Variants in TTC9 observed in about 807,000 individuals in gnomAD.
The protein encoded by TTC9 is tetratricopeptide repeat domain 9.
In TTC9, 13 loss-of-function variants were observed where a neutral mutation model predicts 22.9. The ratio of observed to expected loss-of-function variants is 0.57; its 90% confidence interval spans 0.37 to 0.90. TTC9 has a LOEUF of 0.90. TTC9 is among the 40% of genes least tolerant of loss of function. The pLI, the probability that TTC9 is intolerant of heterozygous loss-of-function variation, is 0.01. For synonymous variants in TTC9, 148 were observed against 133.2 expected, an observed-to-expected ratio of 1.11 and a Z score of -0.77; for missense variants, 280 against 291.8, an observed-to-expected ratio of 0.96 and a Z score of 0.29.
At chr14:70,669,315 T>C (rs886382337) in intron 2 of TTC9, among the ~76,000 whole-genome samples, 2 of 151,936 alleles carry the variant, frequency 1.3e-5, no homozygotes, top group Non-Finnish European at 2.9e-5. Flanking sequence ...AGTCTCGCTC[T>C]GTCGCCCAGG....
At chr14:70,666,529 A>G (rs918563689) in intron 1 of TTC9, among the ~76,000 whole-genome samples, 9 of 152,134 alleles carry the variant, frequency 5.9e-5, no homozygotes, top group Non-Finnish European at 1.0e-4. Context: ...GTTAACTAAC[A>G]TTTTTTTCAT....
At chr14:70,669,437 G>A (rs1886261227) in intron 2 of TTC9, among the ~76,000 whole-genome samples, 1 of 151,860 alleles carries the variant, frequency 6.6e-6, no homozygotes, top group Non-Finnish European at 1.5e-5. Flanking sequence ...GCACTACCAT[G>A]CCTGGCTAAT....
rs1174323344 is a variant in TTC9 at position 70,674,759 on chromosome 14, G to A, written c.*3604G>A. 1 of 152,058 alleles carries A rather than the reference G, an allele frequency of 6.6e-6. No individual in the cohort carries two copies. Among genetic ancestry groups the A allele is most frequent in the Non-Finnish European group, 1.5e-5 (1 of 68,010 alleles). 9.4% of individuals were successfully genotyped at this position (152,058 alleles called of 1,614,324 possible). On this transcript the variant is annotated 3_prime_UTR_variant, in exon 3 of 3. Transcript: ENST00000256367. ...CTTAATAATATCACGAACATTTTCG[G>A]CATATCAAACTTTCTCAACAGCATC...
intron 2 of TTC9, among the ~76,000 whole-genome samples, chr14:70,668,428 C>T (rs61178061): frequency 1.3e-5 from 2 of 152,252 alleles, no homozygotes; most frequent in East Asian, 1.9e-4. Flanking sequence ...GGACAGAACC[C>T]AGGGAGGGGC....
At chr14:70,662,527 C>G (rs1051304608) in intron 1 of TTC9, among the ~76,000 whole-genome samples, 2 of 151,986 alleles carry the variant, frequency 1.3e-5, no homozygotes, top group Non-Finnish European at 2.9e-5. Context: ...AGATACCTGA[C>G]CTTGATTAAT....
Position 70,675,014 on chromosome 14 carries a change from C to A in TTC9, c.*3859C>A, listed in dbSNP as rs547562044. On this transcript the variant is annotated 3_prime_UTR_variant, in exon 3 of 3. Transcript: ENST00000256367. ...ACCCTCCAGAAAGTTTGTACCAAAA[C>A]GCTCTCCTATTTGGATCCTAGAGAG... 6.6e-6 allele frequency: 1 copy of A among 152,180 alleles called. No individual in the cohort carries two copies. Among genetic ancestry groups the A allele is most frequent in the Non-Finnish European group, 1.5e-5 (1 of 68,034 alleles). The allele number at this position is 152,180 out of a possible 1,614,324, so 9.4% of individuals were successfully genotyped here. A position where few individuals can be genotyped will look rare whatever the true frequency, so the allele number is the denominator to read the frequency against.
Position 70,649,780 on chromosome 14 carries a change from T to C in TTC9, c.406+7245T>C, listed in dbSNP as rs1739248724. Among the ~76,000 whole-genome samples the C allele has an allele frequency of 7.9e-5, 12 of 152,234 alleles. 1 individual carries two copies. The highest frequency in any genetic ancestry group is 7.9e-4 in the Admixed American group (12 of 15,286). ...AACTCTCTTGCCCATCTTCCAGTCT[T>C]TCCTTCTGGCAGTTAGACATCCTTT... On this transcript the variant is annotated intron_variant, in intron 1 of 2. Transcript: ENST00000256367.
Position 70,642,437 on chromosome 14 carries a change from C to A in TTC9, c.308C>A (p.Pro103Gln). ...PPGERERDSR[P>Q]ASPAGALKPG... ...GGGGAACGGGAGCGGGACTCGCGCC[C>A]GGCCTCCCCGGCTGGGGCCCTGAAG... The change falls in exon 1 of 3, where the codon CCG becomes CAG. Residue 103 changes from proline to glutamine, a missense_variant. Physicochemically the swap from Pro to Gln is moderately conservative, Grantham distance 76. Coordinates refer to ENST00000256367, the MANE Select transcript of TTC9 (RefSeq NM_015351.2). 1 of 1,563,082 alleles carries A rather than the reference C, an allele frequency of 6.4e-7. No individual in the cohort carries two copies. Among genetic ancestry groups the A allele is most frequent in the Non-Finnish European group, 8.7e-7 (1 of 1,155,740 alleles).
In TTC9 at chr14:70,642,274, G is replaced by A. The variant is rs1161321115; in HGVS notation, c.145G>A (p.Glu49Lys). 6.7e-7 allele frequency: 1 copy of A among 1,502,778 alleles called. No individual in the cohort carries two copies. The highest frequency in any genetic ancestry group is 8.9e-7 in the Non-Finnish European group (1 of 1,127,014). 93.1% of individuals were successfully genotyped at this position (1,502,778 alleles called of 1,614,324 possible). ...GAGGGGCCAGGTCGGGGCGGCGGCC[G>A]AGCCGGCCGAGCTCATCCGACGAGC... ...PARGQVGAAA[E>K]PAELIRRAHE... Residue 49 changes from glutamate (E) to lysine (K), a missense_variant, in exon 1 of 3, where the codon GAG becomes AAG. Glu to Lys is a moderately conservative substitution (Grantham distance 56, BLOSUM62 1). Around this residue, in one of 5 missense-constraint regions of TTC9, gnomAD observed 165 missense variants for 145.4 expected, o/e 1.14. Transcript: ENST00000256367.
chr14:70,670,229 T>C (rs79608012), intron 2 of TTC9, among the ~76,000 whole-genome samples: 16,839 of 152,318 alleles, frequency 0.11, 1,293 homozygotes, highest in Middle Eastern at 0.18. Context: ...CCTTGGCATC[T>C]GACTCAATCT....
chr14:70,651,085 A>T (rs1885978483), intron 1 of TTC9, among the ~76,000 whole-genome samples: 1 of 151,990 alleles, frequency 6.6e-6, no homozygotes, highest in Admixed American at 6.5e-5. Flanking sequence ...GATTCAAGCG[A>T]TTCTCCTGCC....
intron 1 of TTC9, among the ~76,000 whole-genome samples, chr14:70,655,874 G>C (rs771254740): frequency 4.6e-5 from 7 of 152,110 alleles, no homozygotes; most frequent in Non-Finnish European, 8.8e-5. Flanking sequence ...AGACCACCAG[G>C]AATTTCAAAT....
chr14:70,661,787 G>A (rs1045917458), intron 1 of TTC9, among the ~76,000 whole-genome samples: 3 of 152,114 alleles, frequency 2.0e-5, no homozygotes, highest in Admixed American at 6.5e-5. Flanking sequence ...TGCTAAACAC[G>A]ACCCCTCTGT....
chr14:70,653,084 T>A (rs1886009371), intron 1 of TTC9, among the ~76,000 whole-genome samples: 1 of 152,258 alleles, frequency 6.6e-6, no homozygotes, highest in African/African-American at 2.4e-5. Flanking sequence ...CATGACAGCA[T>A]GTGAGTAATA....
intron 1 of TTC9, among the ~76,000 whole-genome samples, chr14:70,664,038 G>T (rs182763112): frequency 1.2e-4 from 19 of 152,220 alleles, no homozygotes; most frequent in Non-Finnish European, 2.8e-4. Context: ...GATAAAAATA[G>T]AACCTGTTTC....
In TTC9 at chr14:70,666,006, G is replaced by A. The variant is rs181893624; in HGVS notation, c.407-1558G>A. Among the ~76,000 whole-genome samples the A allele has an allele frequency of 2.0e-5, 3 of 152,202 alleles. No homozygotes were observed. In the East Asian group the frequency reaches 5.8e-4, roughly 29 times the overall value. ...TTATTTGCTTTGAAGAAGCAGACAG[G>A]TGCCTTTTTCCTGTCTCTTTTTTTG... On this transcript the variant is annotated intron_variant, in intron 1 of 2. Transcript: ENST00000256367.
chr14:70,673,236 T>C lies in TTC9; in HGVS notation c.*2081T>C, dbSNP rs912057160. 6.6e-6 allele frequency: 1 copy of C among 152,158 alleles called. No homozygotes were observed. The highest frequency in any genetic ancestry group is 2.4e-5 in the African/African-American group (1 of 41,422). The allele number at this position is 152,158 out of a possible 1,614,324, so 9.4% of individuals were successfully genotyped here. ...GACCGAAAGGAAACACAAAGTTAAA[T>C]ATGGGTTAATTATGTAAGCAGATGC... On this transcript the variant is annotated 3_prime_UTR_variant, in exon 3 of 3. Coordinates refer to ENST00000256367, the MANE Select transcript of TTC9 (RefSeq NM_015351.2).
At chr14:70,652,365 G>A (rs1011796131) in intron 1 of TTC9, among the ~76,000 whole-genome samples, 2 of 152,200 alleles carry the variant, frequency 1.3e-5, no homozygotes, top group Non-Finnish European at 2.9e-5. Context: ...ATACAGTCAG[G>A]CACTGGATTT....
chr14:70,652,675 C>T (rs1886002684), intron 1 of TTC9, among the ~76,000 whole-genome samples: 1 of 152,216 alleles, frequency 6.6e-6, no homozygotes, highest in Non-Finnish European at 1.5e-5. Flanking sequence ...AGAGTTCCTA[C>T]CCATGGCTCA....
Sources: allele counts gnomAD v4.1 joint callset (sites outside exome capture counted in the v4.1 genomes callset), GRCh38; gene constraint gnomAD v4.1.1; regional missense constraint gnomAD v4.1.1; transcripts MANE v1.5; gene names NCBI Gene and HGNC (gene_info 2026-07-23, HGNC 2026-07-21).